PARM1: variants seen among roughly 807,000 people sequenced by gnomAD.
The protein encoded by PARM1 is WSC4, cell wall integrity and stress response component 4 homolog.
Under a neutral mutation model 24.6 loss-of-function variants are expected in PARM1, and 14 were observed. The ratio of observed to expected loss-of-function variants is 0.57; its 90% CI spans 0.38 to 0.89. The LOEUF (loss-of-function observed/expected upper bound fraction) is 0.89, where lower values mean the gene tolerates loss of function less well. Among genes scored for constraint, PARM1 ranks in the 40% least tolerant of loss-of-function variants. PARM1 has a pLI of 0.00. For synonymous variants in PARM1, 179 were observed against 156.6 expected (o/e 1.14, Z -1.07); for missense variants, 362 against 380.4 (o/e 0.95, Z 0.40).
chr4:75,039,735 C>G (rs1445294575), intron 3 of PARM1, among the ~76,000 whole-genome samples: 2 of 152,134 alleles, frequency 1.3e-5, no homozygotes, highest in African/African-American at 4.8e-5. Context: ...TTCTAACACT[C>G]CAAACACACT....
In PARM1 at chr4:75,026,779, A is replaced by C. The variant is rs374520547; in HGVS notation, c.770-7104A>C. ...CTGCAGCATTTCAGTCTCCGAATCCATAAAATGAAGACACTGGCCTTTACA... is the reference window on the plus strand; with the variant it reads ...CTGCAGCATTTCAGTCTCCGAATCCCTAAAATGAAGACACTGGCCTTTACA... On this transcript the variant is annotated intron_variant, in intron 2 of 3. Coordinates refer to ENST00000307428, the MANE Select transcript of PARM1 (RefSeq NM_015393.4). Among the ~76,000 whole-genome samples, 9 of 152,348 alleles carry C rather than the reference A, an allele frequency of 5.9e-5. No individual in the cohort carries two copies. In the East Asian group the frequency reaches 1.7e-3, roughly 29 times the overall value.
At chr4:75,036,041 T>C (rs1424995456) in intron 3 of PARM1, among the ~76,000 whole-genome samples, 3 of 152,220 alleles carry the variant, frequency 2.0e-5, no homozygotes, top group Middle Eastern at 3.2e-3. Flanking sequence ...CGTTTCCATT[T>C]TATAACAAAG....
At chr4:75,009,033 G>C (rs1722822494) in intron 1 of PARM1, among the ~76,000 whole-genome samples, 1 of 151,236 alleles carries the variant, frequency 6.6e-6, no homozygotes, top group Non-Finnish European at 1.5e-5. Context: ...AATAATATTT[G>C]TCCCAACTGT....
chr4:74,983,107 C>A (rs1412376966), intron 1 of PARM1, among the ~76,000 whole-genome samples: 1 of 152,118 alleles, frequency 6.6e-6, no homozygotes, highest in Non-Finnish European at 1.5e-5. Context: ...ATTAGAGGAA[C>A]TGATTACAAT....
chr4:74,958,448 G>A (rs1721695212), intron 1 of PARM1, among the ~76,000 whole-genome samples: 1 of 152,150 alleles, frequency 6.6e-6, no homozygotes, highest in Non-Finnish European at 1.5e-5. Context: ...ACTTGATGAA[G>A]AAGTAATATT....
intron 2 of PARM1, among the ~76,000 whole-genome samples, chr4:75,031,566 C>G (rs1021823155): frequency 6.6e-6 from 1 of 151,884 alleles, no homozygotes; most frequent in East Asian, 1.9e-4. Context: ...GGAGAACCTG[C>G]CTGATTTATC....
chr4:74,993,981 TTGATG>T (rs1273620106), intron 1 of PARM1: 1 of 151,838 alleles, frequency 6.6e-6, no homozygotes, highest in Non-Finnish European at 1.5e-5. Context: ...AAGAGAAAGG[TTGATG>T]TAGGTGTAAT....
intron 1 of PARM1, among the ~76,000 whole-genome samples, chr4:75,004,634 G>T (rs1016871371): frequency 3.3e-5 from 5 of 152,182 alleles, no homozygotes; most frequent in Non-Finnish European, 5.9e-5. Flanking sequence ...GTGAAAGGTG[G>T]CATGTCTTGT....
intron 1 of PARM1, among the ~76,000 whole-genome samples, chr4:74,948,762 C>T (rs1192835911): frequency 1.3e-5 from 2 of 152,202 alleles, no homozygotes; most frequent in East Asian, 3.9e-4. Context: ...TTGGCTCATG[C>T]CTGTAATCCC....
intron 1 of PARM1, among the ~76,000 whole-genome samples, chr4:74,995,225 G>A (rs1722554613): frequency 6.6e-6 from 1 of 152,118 alleles, no homozygotes; most frequent in Non-Finnish European, 1.5e-5. Context: ...TATGAAAGAT[G>A]TCTTTAAGAT....
At chr4:75,001,049 A>G (rs773494492) in intron 1 of PARM1, among the ~76,000 whole-genome samples, 10 of 152,182 alleles carry the variant, frequency 6.6e-5, no homozygotes, top group Non-Finnish European at 1.3e-4. Flanking sequence ...TTGTGCCTCA[A>G]TTTGCTCTTG....
chr4:74,933,229 C>A lies in PARM1; in HGVS notation c.-99C>A. The A allele has an allele frequency of 9.4e-7, 1 of 1,061,198 alleles. No homozygotes were observed. Among genetic ancestry groups the A allele is most frequent in the Non-Finnish European group, 1.4e-6 (1 of 701,600 alleles). 65.7% of individuals were successfully genotyped at this position (1,061,198 alleles called of 1,614,324 possible). A position where few individuals can be genotyped will look rare whatever the true frequency, so the allele number is the denominator to read the frequency against. ...CGCGCCTCCCGGCTCCCACCGCAGC[C>A]CACCCGGCAGAGGAGTCGCTACCAG... is the stretch of plus-strand genomic sequence containing the variant. On this transcript the variant is annotated 5_prime_UTR_variant, in exon 1 of 4. Coordinates refer to ENST00000307428, the MANE Select transcript of PARM1 (RefSeq NM_015393.4).
rs1451965229 is a variant in PARM1, at chr4:75,047,763, A to G, written c.*1516A>G. ...CACTCACAGATTAGTGATACGTTTT[A>G]TTTTTAACAAAATGAAATGATGTGT... On this transcript the variant is annotated 3_prime_UTR_variant, in exon 4 of 4. Coordinates refer to ENST00000307428, the MANE Select transcript of PARM1 (RefSeq NM_015393.4). The G allele has an allele frequency of 6.6e-6, 1 of 152,202 alleles. No homozygotes were observed. The allele number at this position is 152,202 out of a possible 1,614,324, so 9.4% of individuals were successfully genotyped here.
intron 1 of PARM1, among the ~76,000 whole-genome samples, chr4:74,992,744 C>T (rs1248375456): frequency 6.6e-6 from 1 of 151,896 alleles, no homozygotes; most frequent in East Asian, 1.9e-4. Flanking sequence ...AATTCTATAC[C>T]CAGCAAGAAT....
intron 2 of PARM1, among the ~76,000 whole-genome samples, chr4:75,022,091 T>C (rs1231544115): frequency 6.6e-6 from 1 of 152,218 alleles, no homozygotes; most frequent in Non-Finnish European, 1.5e-5. Flanking sequence ...GTATAAGCAT[T>C]CCCTTTTCTC....
At chr4:75,033,312 T>C (rs899992567) in intron 2 of PARM1, among the ~76,000 whole-genome samples, 1 of 152,212 alleles carries the variant, frequency 6.6e-6, no homozygotes, top group African/African-American at 2.4e-5. Context: ...TGTTTTAAAA[T>C]GCTTTCACTT....
At chr4:75,033,572 T>C (rs1456568795) in intron 2 of PARM1, among the ~76,000 whole-genome samples, 1 of 152,112 alleles carries the variant, frequency 6.6e-6, no homozygotes, top group Non-Finnish European at 1.5e-5. Flanking sequence ...CAACAACAGA[T>C]TGATGTCATT....
At chr4:74,991,016 C>A (rs1013251114) in intron 1 of PARM1, among the ~76,000 whole-genome samples, 9 of 152,122 alleles carry the variant, frequency 5.9e-5, no homozygotes, top group Non-Finnish European at 1.3e-4. Context: ...GCCAACTTTT[C>A]CAAGAGACCA....
In PARM1 at chr4:74,962,800, C is replaced by T. The variant is rs530668941; in HGVS notation, c.43+29430C>T. Reference sequence around the variant, plus strand: ...TTATTCTTTAATGGGTGTAGAGTTTCAGTTTTGCAAAATGAAGAGTTCTGG... The same window carrying T: ...TTATTCTTTAATGGGTGTAGAGTTTTAGTTTTGCAAAATGAAGAGTTCTGG... On this transcript the variant is annotated intron_variant, in intron 1 of 3. Coordinates refer to ENST00000307428, the MANE Select transcript of PARM1 (RefSeq NM_015393.4). Among the ~76,000 whole-genome samples the T allele has an allele frequency of 2.6e-5, 4 of 152,268 alleles. No individual in the cohort carries two copies. In the South Asian group the frequency reaches 8.3e-4, roughly 32 times the overall value.
Sources: allele counts gnomAD v4.1 joint callset (sites outside exome capture counted in the v4.1 genomes callset), GRCh38; gene constraint gnomAD v4.1.1; transcripts MANE v1.5; gene names NCBI Gene and HGNC (gene_info 2026-07-23, HGNC 2026-07-21).